Variants in ZNF385D observed in about 807,000 individuals in gnomAD.
ZNF385D encodes the protein zinc finger protein 659.
Under a neutral mutation model 35.8 loss-of-function variants are expected in ZNF385D, and 15 were observed. That is an observed-to-expected ratio of 0.42 (90% CI 0.28 to 0.64). ZNF385D has a LOEUF of 0.64. Among genes scored for constraint, ZNF385D ranks in the 30% least tolerant of loss-of-function variants. The pLI, the probability that ZNF385D is intolerant of heterozygous loss-of-function variation, is 0.23. For missense variants in ZNF385D, 474 were observed against 494.6 expected (o/e 0.96, Z 0.39); for synonymous variants, 212 against 186.8 (o/e 1.13, Z -1.10).
chr3:22,245,054 C>A (rs1001646376), intron 2 of ZNF385D, among the ~76,000 whole-genome samples: 1 of 152,024 alleles, frequency 6.6e-6, no homozygotes, highest in African/African-American at 2.4e-5. Flanking sequence ...AGTGAATAGA[C>A]GATCTATGCT....
chr3:21,519,183 C>T (rs999968048), intron 3 of ZNF385D, among the ~76,000 whole-genome samples: 1 of 152,178 alleles, frequency 6.6e-6, no homozygotes, highest in East Asian at 1.9e-4. Flanking sequence ...CACCACTACT[C>T]AGTGGGGAAA....
At chr3:21,561,706 T>C (rs1170748850) in intron 3 of ZNF385D, among the ~76,000 whole-genome samples, 5 of 152,150 alleles carry the variant, frequency 3.3e-5, no homozygotes, top group African/African-American at 1.2e-4. Flanking sequence ...AATGTCCAGA[T>C]GGTGGAACAA....
chr3:21,972,647 T>C (rs893626565), intron 3 of ZNF385D, among the ~76,000 whole-genome samples: 1 of 151,692 alleles, frequency 6.6e-6, no homozygotes, highest in African/African-American at 2.4e-5. Flanking sequence ...TGAAAAGTTG[T>C]TTTTTTGAAA....
chr3:22,038,885 ATT>A (rs764771946), intron 3 of ZNF385D, among the ~76,000 whole-genome samples: 1 of 149,884 alleles, frequency 6.7e-6, no homozygotes, highest in Non-Finnish European at 1.5e-5. Context: ...GTTATATTTT[ATT>A]TTTATTATAT....
At chr3:22,208,259 A>G (rs1241277966) in intron 2 of ZNF385D, among the ~76,000 whole-genome samples, 2 of 151,978 alleles carry the variant, frequency 1.3e-5, no homozygotes, top group African/African-American at 4.8e-5. Flanking sequence ...ATTTGGTCAT[A>G]AAATATATGA....
intron 3 of ZNF385D, among the ~76,000 whole-genome samples, chr3:21,885,123 G>A (rs888801586): frequency 7.2e-5 from 11 of 152,080 alleles, no homozygotes; most frequent in African/African-American, 2.4e-4. Flanking sequence ...TGGAAAAAAT[G>A]TTAATAATTT....
chr3:22,088,202 C>T (rs1315400740), intron 3 of ZNF385D, among the ~76,000 whole-genome samples: 3 of 152,196 alleles, frequency 2.0e-5, no homozygotes, highest in African/African-American at 2.4e-5. Context: ...GGCTGCAAGG[C>T]ATGTTAACAT....
intron 3 of ZNF385D, among the ~76,000 whole-genome samples, chr3:22,085,961 A>G (rs4290820): frequency 0.11 from 16,123 of 152,290 alleles, 1,090 homozygotes; most frequent in Middle Eastern, 0.19. Flanking sequence ...AACCACGATT[A>G]TCTCAATAGA....
chr3:22,041,029 C>G (rs563066605), intron 3 of ZNF385D, among the ~76,000 whole-genome samples: 1 of 152,042 alleles, frequency 6.6e-6, no homozygotes, highest in South Asian at 2.1e-4. Context: ...ACTATATAAC[C>G]TAAAGGACAA....
In ZNF385D at chr3:21,496,407, T is replaced by C. The variant is rs1033676364; in HGVS notation, c.439+14454A>G. ...GATATATATATCATATATACACACA[T>C]ATATTTGATATATATATCATATATA... On this transcript the variant is annotated intron_variant, in intron 4 of 7. Transcript: ENST00000281523. 1.7e-3 allele frequency among the ~76,000 whole-genome samples: 241 copies of C among 145,348 alleles called. 1 individual carries two copies. Among genetic ancestry groups the C allele is most frequent in the African/African-American group, 5.9e-3 (233 of 39,656 alleles).
chr3:21,495,630 A>G (rs1474876991), intron 4 of ZNF385D, among the ~76,000 whole-genome samples: 1 of 152,164 alleles, frequency 6.6e-6, no homozygotes, highest in Non-Finnish European at 1.5e-5. Flanking sequence ...TAACATCACA[A>G]TTAGAGAAAC....
At chr3:22,022,432 C>A (rs938030872) in intron 3 of ZNF385D, among the ~76,000 whole-genome samples, 1 of 152,072 alleles carries the variant, frequency 6.6e-6, no homozygotes, top group African/African-American at 2.4e-5. Context: ...GAAATTTCTA[C>A]TCTCAGCTCC....
At chr3:22,245,126 G>C (rs1368879331) in intron 2 of ZNF385D, among the ~76,000 whole-genome samples, 1 of 152,112 alleles carries the variant, frequency 6.6e-6, no homozygotes, top group African/African-American at 2.4e-5. Flanking sequence ...GGAAACTGAG[G>C]TTCCAAAGTT....
At position 21,842,433 on chromosome 3, in the gene ZNF385D, G is replaced by A. The variant is rs533603729; in HGVS notation, c.326-177405C>T. Among the ~76,000 whole-genome samples, 6 of 152,008 alleles carry A rather than the reference G, an allele frequency of 3.9e-5. No individual in the cohort carries two copies. In the East Asian group the frequency reaches 7.8e-4, roughly 20 times the overall value. On this transcript the variant is annotated intron_variant, in intron 3 of 5. Coordinates refer to the ZNF385D transcript ENST00000494108. ...AATTTCCCCTACCTTGAATCCAGCC[G>A]TTATGAATTGAATTTGACTCATATG...
chr3:22,365,516 C>A (rs147945809), intron 2 of ZNF385D, among the ~76,000 whole-genome samples: 63 of 152,068 alleles, frequency 4.1e-4, no homozygotes, highest in African/African-American at 1.4e-3. Flanking sequence ...TGCAAACAAA[C>A]TTTATTTTAG....
At chr3:22,333,778 CCT>C (rs781655135) in intron 2 of ZNF385D, among the ~76,000 whole-genome samples, 8 of 152,154 alleles carry the variant, frequency 5.3e-5, no homozygotes, top group Non-Finnish European at 1.0e-4. Flanking sequence ...TGATTTCTCC[CCT>C]CTGAGTTGGT....
intron 2 of ZNF385D, among the ~76,000 whole-genome samples, chr3:21,635,910 T>A (rs1407739154): frequency 2.0e-5 from 3 of 152,092 alleles, no homozygotes; most frequent in Non-Finnish European, 4.4e-5. Context: ...TATGCCTGAG[T>A]AGTATTCCAT....
chr3:22,123,962 C>CTATATATATATATA (rs71044974), intron 3 of ZNF385D, among the ~76,000 whole-genome samples: 3 of 61,848 alleles, frequency 4.9e-5, no homozygotes, highest in African/African-American at 1.2e-4. Flanking sequence ...CTCTCTCTCT[C>CTATATATATATATA]TATATATATA....
chr3:21,914,055 C>A (rs1700085175), intron 3 of ZNF385D, among the ~76,000 whole-genome samples: 2 of 152,068 alleles, frequency 1.3e-5, no homozygotes, highest in Admixed American at 6.6e-5. Context: ...ATAAAATCCT[C>A]TTCCTCTGGG....
Sources: allele counts gnomAD v4.1 joint callset (sites outside exome capture counted in the v4.1 genomes callset), GRCh38; gene constraint gnomAD v4.1.1; transcripts MANE v1.5; gene names NCBI Gene and HGNC (gene_info 2026-07-23, HGNC 2026-07-21).